Variants in SLC39A11 observed in about 807,000 individuals in gnomAD.
SLC39A11 encodes zinc transporter ZIP11.
SLC39A11 carries 33 observed loss-of-function variants against 36.1 expected under a neutral mutation model. The observed-to-expected ratio is 0.91, with a 90% CI of 0.69 to 1.22. SLC39A11 has a LOEUF of 1.22. Among genes scored for constraint, SLC39A11 ranks in the 50% most tolerant of loss-of-function variants. The pLI is 0.00. For synonymous variants in SLC39A11, 166 were observed against 170.3 expected, an observed-to-expected ratio of 0.97 and a Z score of 0.20; for missense variants, 432 against 430.3, an observed-to-expected ratio of 1.00 and a Z score of -0.03.
chr17:72,923,249 A>G (rs2147290340), intron 5 of SLC39A11, among the ~76,000 whole-genome samples: 1 of 152,254 alleles, frequency 6.6e-6, no homozygotes, highest in South Asian at 2.1e-4. Context: ...AGGGTTGGAC[A>G]TGTGAGTTGC....
At chr17:72,945,286 T>C (rs2085366641) in intron 5 of SLC39A11, among the ~76,000 whole-genome samples, 1 of 152,112 alleles carries the variant, frequency 6.6e-6, no homozygotes, top group Non-Finnish European at 1.5e-5. Context: ...TCTCCCAGAG[T>C]GTGGCCTTTC....
At chr17:72,812,824 T>TG (rs888077633) in intron 6 of SLC39A11, among the ~76,000 whole-genome samples, 15 of 152,110 alleles carry the variant, frequency 9.9e-5, no homozygotes, top group African/African-American at 2.9e-4. Flanking sequence ...GCATTGTGCT[T>TG]GGGGGGGTTT....
chr17:72,810,084 CAAAAA>C (rs10708067), intron 6 of SLC39A11, among the ~76,000 whole-genome samples: 3 of 136,708 alleles, frequency 2.2e-5, no homozygotes, highest in African/African-American at 8.0e-5. Flanking sequence ...ACAAAAACAA[CAAAAA>C]AAAAAAAAAA....
intron 7 of SLC39A11, among the ~76,000 whole-genome samples, chr17:72,667,751 GC>G (rs1244500737): frequency 6.6e-6 from 1 of 152,194 alleles, no homozygotes; most frequent in African/African-American, 2.4e-5. Flanking sequence ...TGCTTACTAA[GC>G]CCCTGCCCTA....
intron 3 of SLC39A11, among the ~76,000 whole-genome samples, chr17:73,041,172 T>C (rs763761710): frequency 1.3e-5 from 2 of 152,140 alleles, no homozygotes; most frequent in Non-Finnish European, 2.9e-5. Flanking sequence ...TAATTAAACA[T>C]GGCCAATGGA....
chr17:72,889,492 G>C (rs11656572), intron 5 of SLC39A11, among the ~76,000 whole-genome samples: 1 of 151,308 alleles, frequency 6.6e-6, no homozygotes, highest in African/African-American at 2.4e-5. Context: ...AGCTGAGATC[G>C]TGCCACTGCA....
chr17:72,763,272 A>G (rs1038871553), intron 6 of SLC39A11, among the ~76,000 whole-genome samples: 2 of 152,214 alleles, frequency 1.3e-5, no homozygotes, highest in Non-Finnish European at 2.9e-5. Context: ...AAAGAGTTCC[A>G]CAGTTAAATA....
chr17:72,717,044 AT>A (rs1467191659), intron 7 of SLC39A11, among the ~76,000 whole-genome samples: 3 of 148,258 alleles, frequency 2.0e-5, no homozygotes, highest in African/African-American at 7.4e-5. Flanking sequence ...TATAAAATAT[AT>A]ATACACATAT....
At chr17:72,958,744 G>C (rs540035163) in intron 4 of SLC39A11, among the ~76,000 whole-genome samples, 1 of 152,026 alleles carries the variant, frequency 6.6e-6, no homozygotes, top group African/African-American at 2.4e-5. Flanking sequence ...TCAGCTACTC[G>C]GGAGGCTGAG....
At chr17:72,749,091 A>G (rs1025297670) in intron 6 of SLC39A11, among the ~76,000 whole-genome samples, 16 of 152,362 alleles carry the variant, frequency 1.1e-4, no homozygotes, top group African/African-American at 3.8e-4. Flanking sequence ...CAGGTGAGGT[A>G]GGTTCTGACT....
At chr17:73,087,607 T>A (rs1482031972) in intron 2 of SLC39A11, among the ~76,000 whole-genome samples, 1 of 151,240 alleles carries the variant, frequency 6.6e-6, no homozygotes, top group Non-Finnish European at 1.5e-5. Flanking sequence ...TGTGCAGAGG[T>A]GTGGGGAGGG....
At chr17:72,691,096 C>T (rs1024586347) in intron 7 of SLC39A11, among the ~76,000 whole-genome samples, 2 of 152,110 alleles carry the variant, frequency 1.3e-5, no homozygotes, top group Non-Finnish European at 1.5e-5. Context: ...CAGGTGAGGG[C>T]AGACTAGGGG....
chr17:72,716,265 C>T (rs1020332846), intron 7 of SLC39A11, among the ~76,000 whole-genome samples: 2 of 152,112 alleles, frequency 1.3e-5, no homozygotes, highest in South Asian at 2.1e-4. Flanking sequence ...TGGAATTACA[C>T]GGAAGAAAGG....
At chr17:72,905,769 T>G (rs1421007177) in intron 5 of SLC39A11, among the ~76,000 whole-genome samples, 1 of 151,932 alleles carries the variant, frequency 6.6e-6, no homozygotes, top group African/African-American at 2.4e-5. Context: ...TTTTTTTTTT[T>G]TTGAGACAGA....
intron 6 of SLC39A11, among the ~76,000 whole-genome samples, chr17:72,744,279 T>A (rs2074838477): frequency 1.3e-5 from 2 of 152,202 alleles, no homozygotes; most frequent in Admixed American, 1.3e-4. Context: ...AGTCGGGGAC[T>A]ATCCTGGCCA....
chr17:72,922,893 G>GGGAGGC (rs1292418338), intron 5 of SLC39A11, among the ~76,000 whole-genome samples: 2 of 148,680 alleles, frequency 1.3e-5, no homozygotes, highest in Non-Finnish European at 3.0e-5. Flanking sequence ...CCTTGAACCC[G>GGGAGGC]GGAGGCGGAG....
intron 4 of SLC39A11, among the ~76,000 whole-genome samples, chr17:73,004,397 T>C (rs1451241838): frequency 6.6e-6 from 1 of 152,162 alleles, no homozygotes; most frequent in Non-Finnish European, 1.5e-5. Flanking sequence ...TCTTGCCGTG[T>C]CCTCACAGGG....
At chr17:72,749,296 C>G (rs2075060487) in intron 6 of SLC39A11, among the ~76,000 whole-genome samples, 1 of 152,152 alleles carries the variant, frequency 6.6e-6, no homozygotes, top group Non-Finnish European at 1.5e-5. Flanking sequence ...AACCCGGTAG[C>G]AAAGTTCCTT....
At chr17:73,090,793 T>TCTAAGC (rs377712860) in intron 1 of SLC39A11, among the ~76,000 whole-genome samples, 101 of 152,230 alleles carry the variant, frequency 6.6e-4, no homozygotes, top group African/African-American at 2.2e-3. Context: ...GAAACACCCG[T>TCTAAGC]CTAAGCCTGT....
Sources: allele counts gnomAD v4.1 joint callset (sites outside exome capture counted in the v4.1 genomes callset), GRCh38; gene constraint gnomAD v4.1.1; transcripts MANE v1.5; gene names NCBI Gene and HGNC (gene_info 2026-07-23, HGNC 2026-07-21).